CHRM2: variants seen among roughly 807,000 people sequenced by gnomAD.
The protein encoded by CHRM2 is muscarinic acetylcholine receptor M2.
A neutral mutation model predicts 25.0 loss-of-function variants in CHRM2; 8 were observed. The observed-to-expected ratio is 0.32, with a 90% CI of 0.19 to 0.58. The LOEUF (loss-of-function observed/expected upper bound fraction) is 0.58, where lower values mean the gene tolerates loss of function less well. Ranked by LOEUF, CHRM2 falls within the 20% of genes least tolerant of loss-of-function variation. The pLI is 0.88. For missense variants in CHRM2, 440 were observed against 567.1 expected (o/e 0.78, Z 2.28); for synonymous variants, 202 against 205.7 (o/e 0.98, Z 0.15).
intron 2 of CHRM2, chr7:136,903,097 T>C (rs1797322000): frequency 1.9e-6 from 1 of 528,710 alleles, no homozygotes; most frequent in Admixed American, 2.0e-5. Flanking sequence ...AGAAACTCAT[T>C]TGGGCTAGTG....
chr7:136,904,606 G>C (rs139589395), intron 2 of CHRM2, among the ~76,000 whole-genome samples: 26 of 151,566 alleles, frequency 1.7e-4, no homozygotes, highest in Non-Finnish European at 3.7e-4. Context: ...TAATTCTGTA[G>C]AGGTTTTTGT....
At chr7:136,936,893 TG>T (rs1799441196) in intron 2 of CHRM2, among the ~76,000 whole-genome samples, 1 of 152,200 alleles carries the variant, frequency 6.6e-6, no homozygotes, top group African/African-American at 2.4e-5. Context: ...TCGATATAGC[TG>T]GAGACTTTGT....
chr7:136,982,917 T>A (rs963428294), intron 2 of CHRM2, among the ~76,000 whole-genome samples: 64 of 152,192 alleles, frequency 4.2e-4, no homozygotes, highest in Non-Finnish European at 5.9e-5. Context: ...CGATTATGTG[T>A]CTTGGGATTG....
chr7:136,903,013 T>A, intron 2 of CHRM2: 1 of 468,244 alleles, frequency 2.1e-6, no homozygotes, highest in South Asian at 1.6e-5. Context: ...GTATACATTA[T>A]GGCCAGCAAC....
intron 2 of CHRM2, among the ~76,000 whole-genome samples, chr7:136,884,517 G>GT (rs34808938): frequency 3.0e-4 from 43 of 143,498 alleles, no homozygotes; most frequent in African/African-American, 1.1e-3. Context: ...TTTTTGCTTT[G>GT]TTTTTTTATC....
intron 3 of CHRM2, among the ~76,000 whole-genome samples, chr7:137,000,547 A>AGAAGGAAGGAAT (rs1554434052): frequency 1.1e-5 from 1 of 95,174 alleles, no homozygotes; most frequent in Non-Finnish European, 2.3e-5. Flanking sequence ...AAAGAAAGAA[A>AGAAGGAAGGAAT]GAAGGAAGGA....
At chr7:136,988,203 T>C (rs1033377257) in intron 2 of CHRM2, among the ~76,000 whole-genome samples, 1 of 151,486 alleles carries the variant, frequency 6.6e-6, no homozygotes, top group Non-Finnish European at 1.5e-5. Flanking sequence ...TTAGTCCCAG[T>C]GGTTCTTCAT....
At chr7:136,910,413 G>A (rs1177817958) in intron 2 of CHRM2, among the ~76,000 whole-genome samples, 2 of 151,854 alleles carry the variant, frequency 1.3e-5, no homozygotes, top group Non-Finnish European at 2.9e-5. Context: ...TGGGTTCTCT[G>A]ACAGGATTTT....
intron 2 of CHRM2, among the ~76,000 whole-genome samples, chr7:136,877,420 A>AT (rs1406486039): frequency 6.6e-6 from 1 of 151,884 alleles, no homozygotes; most frequent in Non-Finnish European, 1.5e-5. Context: ...TCTATTTCTT[A>AT]TTTTTTTCCT....
At chr7:136,932,629 G>A (rs1309640022) in intron 2 of CHRM2, among the ~76,000 whole-genome samples, 1 of 152,068 alleles carries the variant, frequency 6.6e-6, no homozygotes, top group Non-Finnish European at 1.5e-5. Flanking sequence ...AACTAAAATG[G>A]ATCATAGATA....
At chr7:136,960,740 T>C (rs932167418) in intron 2 of CHRM2, among the ~76,000 whole-genome samples, 3 of 152,236 alleles carry the variant, frequency 2.0e-5, no homozygotes, top group Non-Finnish European at 4.4e-5. Context: ...TGAGACTCAA[T>C]AAACCAATCT....
intron 3 of CHRM2, among the ~76,000 whole-genome samples, chr7:136,994,517 T>C (rs1390235578): frequency 2.1e-5 from 3 of 143,204 alleles, no homozygotes; most frequent in Non-Finnish European, 4.5e-5. Context: ...TCTTTTTTTC[T>C]TTTCTTTTTT....
At chr7:136,999,776 C>T (rs1803862735) in intron 3 of CHRM2, among the ~76,000 whole-genome samples, 1 of 152,180 alleles carries the variant, frequency 6.6e-6, no homozygotes, top group Admixed American at 6.5e-5. Context: ...CTTCCCGATA[C>T]TACATAAATG....
chr7:136,932,501 A>T (rs1799165486), intron 2 of CHRM2, among the ~76,000 whole-genome samples: 1 of 152,202 alleles, frequency 6.6e-6, no homozygotes, highest in Admixed American at 6.5e-5. Flanking sequence ...TTTGACAAAG[A>T]TGTCATCATA....
At chr7:136,931,723 T>A (rs1053135818) in intron 2 of CHRM2, among the ~76,000 whole-genome samples, 2 of 152,222 alleles carry the variant, frequency 1.3e-5, no homozygotes, top group African/African-American at 4.8e-5. Flanking sequence ...CTTGCCTCCC[T>A]GATCTGTCCC....
chr7:136,978,138 G>A (rs1000160381), intron 2 of CHRM2, among the ~76,000 whole-genome samples: 3 of 152,052 alleles, frequency 2.0e-5, no homozygotes, highest in African/African-American at 4.8e-5. Flanking sequence ...CTTGGGTGAC[G>A]GGATCATCTG....
chr7:136,978,506 G>C (rs1156549323), intron 2 of CHRM2, among the ~76,000 whole-genome samples: 1 of 152,098 alleles, frequency 6.6e-6, no homozygotes, highest in Non-Finnish European at 1.5e-5. Context: ...GAACGTGCAG[G>C]TTTGTTACAT....
At chr7:136,979,297 T>C (rs1802323355) in intron 2 of CHRM2, among the ~76,000 whole-genome samples, 1 of 152,214 alleles carries the variant, frequency 6.6e-6, no homozygotes, top group Non-Finnish European at 1.5e-5. Flanking sequence ...GATGGAATTG[T>C]TTATTTCTTG....
rs398006503 is a variant in CHRM2, at chr7:136,921,794, C to CTTTTTTTTTTTTTTTTTTTTTTTTTTTTT, written c.-125+52384_-125+52385insTTTTTTTTTTTTTTTTTTTTTTTTTTTTT. Among the ~76,000 whole-genome samples, 294 of 116,464 alleles carry CTTTTTTTTTTTTTTTTTTTTTTTTTTTTT rather than the reference C, an allele frequency of 2.5e-3. 42 individuals carry two copies. Among genetic ancestry groups the CTTTTTTTTTTTTTTTTTTTTTTTTTTTTT allele is most frequent in the Non-Finnish European group, 4.5e-3 (217 of 48,690 alleles). 76.4% of individuals were successfully genotyped at this position (116,464 alleles called of 152,430 possible). The stretch of plus-strand genomic sequence containing the variant: ...TCTTTCTTTCTTTCTTTCTTTCTTT[C>CTTTTTTTTTTTTTTTTTTTTTTTTTTTTT]TTTTTTTTGAGACAGATTCTCACTC... On this transcript the variant is annotated intron_variant, in intron 2 of 3. Transcript: ENST00000680005.
Sources: gnomAD v4.1 joint callset for allele counts (sites outside exome capture counted in the v4.1 genomes callset) on GRCh38, gnomAD v4.1.1 for gene constraint, MANE v1.5 for transcripts, NCBI Gene and HGNC (gene_info 2026-07-23, HGNC 2026-07-21) for gene names.